Variants in NSD2 observed in about 807,000 individuals in gnomAD.
NSD2 encodes nuclear receptor binding SET domain protein 2, also known as histone-lysine N-methyltransferase NSD2.
In NSD2, 12 loss-of-function variants were observed where a neutral mutation model predicts 139.0. The observed-to-expected ratio is 0.09, with a 90% CI of 0.06 to 0.14. The LOEUF (loss-of-function observed/expected upper bound fraction) is 0.14. NSD2 is among the 10% of genes least tolerant of loss of function. The pLI, the probability that NSD2 is intolerant of heterozygous loss-of-function variation, is 1.00. For synonymous variants in NSD2, 669 were observed against 648.7 expected, an observed-to-expected ratio of 1.03 and a Z score of -0.48; for missense variants, 1,155 against 1,745.0, an observed-to-expected ratio of 0.66 and a Z score of 6.02.
At chr4:1,894,381 T>C (rs1715960205) in intron 1 of NSD2, among the ~76,000 whole-genome samples, 1 of 152,188 alleles carries the variant, frequency 6.6e-6, no homozygotes, top group Non-Finnish European at 1.5e-5. Context: ...TTTCCTTTCA[T>C]CTCTGGAAAA....
chr4:1,959,688 T>C lies in NSD2; in HGVS notation c.3203T>C (p.Ile1068Thr), dbSNP rs1420145115. ...TKRQYPETKI[I>T]KTDGKGWGLV... ...CGCCAGTACCCAGAGACCAAGATCA[T>C]CAAGACAGATGGCAAAGGGTGGGGC... Residue 1068 changes from isoleucine (I) to threonine (T), a missense_variant, in exon 17 of 22, where the codon ATC (isoleucine) becomes ACC (threonine). By Grantham distance (89) the Ile-to-Thr change is moderately conservative. Coordinates refer to ENST00000508803, the MANE Select transcript of NSD2 (RefSeq NM_001042424.3). 1.9e-6 allele frequency: 3 copies of C among 1,613,830 alleles called. No homozygotes were observed. Among genetic ancestry groups the C allele is most frequent in the African/African-American group, 2.7e-5 (2 of 74,848 alleles).
At chr4:1,944,589 C>G (rs553167618) in intron 9 of NSD2, 1 of 1,064,002 alleles carries the variant, frequency 9.4e-7, no homozygotes, top group South Asian at 4.6e-5. Context: ...GAAAACTTGT[C>G]AGAATATATA....
At chr4:1,898,400 C>T (rs1716661505) in intron 1 of NSD2, among the ~76,000 whole-genome samples, 1 of 152,208 alleles carries the variant, frequency 6.6e-6, no homozygotes, top group South Asian at 2.1e-4. Flanking sequence ...TGCGGTGGCT[C>T]ACGCCTGTAA....
intron 1 of NSD2, among the ~76,000 whole-genome samples, chr4:1,878,388 G>A (rs1300686441): frequency 6.7e-6 from 1 of 149,372 alleles, no homozygotes; most frequent in East Asian, 2.0e-4. Context: ...GATTACAGGC[G>A]TAAGCCACCA....
rs764880891 is a variant in NSD2 at position 1,918,497 on chromosome 4, G to T, written c.1284G>T (p.Glu428Asp). 1.2e-6 allele frequency: 2 copies of T among 1,613,922 alleles called. No individual in the cohort carries two copies. The highest frequency in any genetic ancestry group is 1.7e-6 in the Non-Finnish European group (2 of 1,179,998). The change falls in exon 5 of 22, where the codon GAG (glutamate) becomes GAT (aspartate). Residue 428 changes from glutamate (E) to aspartate (D), a missense_variant. Transcript: ENST00000508803. ...IGKSTPQKTA[E>D]ADPRRGVGSP... is the part of the protein sequence containing the mutation. ...AGAGTACTCCTCAAAAGACGGCAGA[G>T]GCTGACCCCAGAAGAGGAGTAGGGT... is the stretch of plus-strand genomic sequence containing the variant.
intron 21 of NSD2, among the ~76,000 whole-genome samples, chr4:1,978,316 G>C (rs1379577710): frequency 6.6e-6 from 1 of 152,138 alleles, no homozygotes; most frequent in South Asian, 2.1e-4. Context: ...AGGTCACATG[G>C]AAATCAGCAC....
chr4:1,961,533 C>T (rs773671393), intron 18 of NSD2, among the ~76,000 whole-genome samples: 1 of 152,220 alleles, frequency 6.6e-6, no homozygotes, highest in Non-Finnish European at 1.5e-5. Context: ...AAGGTCTCAG[C>T]ATCTTCTCTG....
chr4:1,871,399 G>T lies in NSD2; in HGVS notation c.-173G>T, dbSNP rs1315502063. ...GAGGCGCGGGGGCGGGGTCGGCGCC[G>T]CGCGCGAGAGCCTCGGCCTGGCCGC... On this transcript the variant is annotated 5_prime_UTR_variant, in exon 1 of 22. Coordinates refer to ENST00000508803, the MANE Select transcript of NSD2 (RefSeq NM_001042424.3). 1.4e-5 allele frequency: 2 copies of T among 145,210 alleles called. No individual in the cohort carries two copies. Among genetic ancestry groups the T allele is most frequent in the South Asian group, 1.9e-4 (1 of 5,184 alleles). The allele number at this position is 145,210 out of a possible 1,614,324, so 9.0% of individuals were successfully genotyped here.
At chr4:1,957,867 A>G in intron 15 of NSD2, 66 bp from the exon 16 acceptor site, 12 of 1,420,712 alleles carry the variant, frequency 8.4e-6, no homozygotes, top group Non-Finnish European at 1.1e-5. Flanking sequence ...CTATAAAAAT[A>G]TGGAGCTTGA....
intron 3 of NSD2, among the ~76,000 whole-genome samples, chr4:1,913,604 C>G (rs932409831): frequency 2.0e-5 from 3 of 152,218 alleles, no homozygotes; most frequent in African/African-American, 7.2e-5. Context: ...TGTCCCCTCT[C>G]TCTCTCTGCC....
At chr4:1,963,107 A>G (rs1256811581) in intron 18 of NSD2, among the ~76,000 whole-genome samples, 1 of 152,220 alleles carries the variant, frequency 6.6e-6, no homozygotes, top group Non-Finnish European at 1.5e-5. Flanking sequence ...GTGACTCTTC[A>G]GCAACACCCT....
In NSD2 at chr4:1,939,667, G is replaced by A. The variant is rs1253161254; in HGVS notation, c.1770G>A (p.Leu590=). 6.2e-7 allele frequency: 1 copy of A among 1,614,210 alleles called. No individual in the cohort carries two copies. The highest frequency in any genetic ancestry group is 8.5e-7 in the Non-Finnish European group (1 of 1,180,020). Residue 590 remains leucine, a synonymous_variant, in exon 9 of 22, where the codon CTG becomes CTA. Transcript: ENST00000508803. ...ATTATTTTACAGCAACGAAAAATCT[G>A]TCTGATGCATGTAAACCACTGAAGA... ...SLKSQAATKN[L]SDACKPLKKR...
intron 6 of NSD2, among the ~76,000 whole-genome samples, chr4:1,931,186 A>G (rs530068396): frequency 5.3e-5 from 8 of 152,182 alleles, no homozygotes; most frequent in African/African-American, 1.4e-4. Flanking sequence ...TGCTTCTGAG[A>G]GCAATCCTCC....
At position 1,955,057 on chromosome 4, in the gene NSD2, A is replaced by G. The variant is rs1724664386; in HGVS notation, c.2339-104A>G. 2.4e-6 allele frequency: 3 copies of G among 1,244,178 alleles called. No homozygotes were observed. The highest frequency in any genetic ancestry group is 2.6e-5 in the Admixed American group (1 of 38,636). 77.1% of individuals were successfully genotyped at this position (1,244,178 alleles called of 1,614,324 possible). On this transcript the variant is annotated intron_variant, in intron 12 of 21. Transcript: ENST00000508803. This position sits in a 1 kb window ranked among gnomAD's most constrained non-coding sequence, Gnocchi z 4.7. The stretch of plus-strand genomic sequence containing the variant: ...TCAAATACCTCCATTTCATTTTAGC[A>G]TTAACTTTTCAAATTCATGGAGGCT...
chr4:1,883,338 C>A (rs1246467467), intron 1 of NSD2, among the ~76,000 whole-genome samples: 1 of 151,402 alleles, frequency 6.6e-6, no homozygotes, highest in Non-Finnish European at 1.5e-5. Context: ...TAAAAGTGTA[C>A]CCCCTCTGCA....
chr4:1,876,115 G>A (rs1451897595), intron 1 of NSD2, among the ~76,000 whole-genome samples: 3 of 151,846 alleles, frequency 2.0e-5, no homozygotes, highest in Admixed American at 6.6e-5. Flanking sequence ...TCGGGAGGCT[G>A]AGGCAGGAGA....
At chr4:1,960,386 G>A (rs1402902601) in intron 17 of NSD2, among the ~76,000 whole-genome samples, 1 of 152,202 alleles carries the variant, frequency 6.6e-6, no homozygotes, top group Non-Finnish European at 1.5e-5. Context: ...CTTGTGAGGG[G>A]TGGTCCTGGC....
chr4:1,928,702 T>C (rs1420805065), intron 5 of NSD2, among the ~76,000 whole-genome samples: 2 of 150,070 alleles, frequency 1.3e-5, no homozygotes, highest in Non-Finnish European at 1.5e-5. Flanking sequence ...TCATCCTAAC[T>C]GGGGGCTCTG....
intron 9 of NSD2, chr4:1,947,223 G>C: frequency 9.4e-7 from 1 of 1,064,440 alleles, no homozygotes; most frequent in African/African-American, 1.6e-5. Context: ...GACAAAGTTG[G>C]GTTGATAGGA....
Sources: allele counts gnomAD v4.1 joint callset (sites outside exome capture counted in the v4.1 genomes callset), GRCh38; gene constraint gnomAD v4.1.1; non-coding constraint Gnocchi (gnomAD v3.1); transcripts MANE v1.5; gene names NCBI Gene and HGNC (gene_info 2026-07-23, HGNC 2026-07-21).